WDR41: variants seen among roughly 807,000 people sequenced by gnomAD.
The protein encoded by WDR41 is WD repeat domain 41.
In WDR41, 63 loss-of-function variants were observed where a neutral mutation model predicts 69.3. The ratio of observed to expected loss-of-function variants is 0.91; its 90% CI spans 0.74 to 1.12. WDR41 has a LOEUF of 1.12. WDR41 is among the 50% of genes most tolerant of loss of function. WDR41 has a pLI of 0.00. For missense variants in WDR41, 543 were observed against 534.5 expected (o/e 1.02, Z -0.16); for synonymous variants, 185 against 192.1 (o/e 0.96, Z 0.31).
intron 1 of WDR41, among the ~76,000 whole-genome samples, chr5:77,503,190 CAAAA>C (rs144057313): frequency 8.1e-5 from 6 of 74,324 alleles, no homozygotes; most frequent in South Asian, 5.8e-4. Context: ...AAATGGAAAG[CAAAA>C]AAAAAAAAAA....
rs757833513 is a variant in WDR41, at chr5:77,436,283, A to G, written c.1205T>C (p.Ile402Thr). 9.9e-6 allele frequency: 16 copies of G among 1,613,920 alleles called. No homozygotes were observed. Among genetic ancestry groups the G allele is most frequent in the Admixed American group, 3.3e-5 (2 of 59,998 alleles). The change falls in exon 12 of 13, where the codon ATT becomes ACT. Residue 402 changes from isoleucine to threonine, a missense_variant. By Grantham distance (89) the Ile-to-Thr change is moderately conservative (BLOSUM62 -1). Transcript: ENST00000296679. ...SCSLELIGDL[I>T]GHSSSVEMFL... ...TACCTCCACAGATGATGAGTGTCCA[A>G]TCAAATCTCCAATAAGCTCCAGTGA... is the stretch of plus-strand genomic sequence containing the variant.
chr5:77,440,763 G>C, intron 9 of WDR41, 50 bp downstream of exon 9: 1 of 1,554,418 alleles, frequency 6.4e-7, no homozygotes. Context: ...ATCAGAAATT[G>C]GGTTATATAT....
chr5:77,615,860 G>A (rs1258774913), intron 1 of WDR41, among the ~76,000 whole-genome samples: 2 of 151,968 alleles, frequency 1.3e-5, no homozygotes, highest in Non-Finnish European at 2.9e-5. Flanking sequence ...AGGTATGGTG[G>A]CATATGCCTG....
intron 2 of WDR41, 38 bp from the exon 3 acceptor site, chr5:77,464,847 G>T (rs1420962885): frequency 1.3e-6 from 2 of 1,597,450 alleles, no homozygotes; most frequent in African/African-American, 2.7e-5. Flanking sequence ...AAAAATCACT[G>T]GTGACATTTA....
Position 77,451,297 on chromosome 5 carries a change from C to A in WDR41, c.580G>T (p.Glu194Ter). 1 of 1,613,698 alleles carries A rather than the reference C, an allele frequency of 6.2e-7. No individual in the cohort carries two copies. Among genetic ancestry groups the A allele is most frequent in the East Asian group, 2.2e-5 (1 of 44,850 alleles). The change falls in exon 7 of 13, where the codon GAA becomes TAA. Residue 194 changes from glutamate to a stop codon, truncating the protein, a stop_gained. Coordinates refer to ENST00000296679, the MANE Select transcript of WDR41 (RefSeq NM_018268.4). LOFTEE classifies it high-confidence loss of function. ...GAAAAAAATTCATACTCACTCAGTT[C>A]TTTGCCAACTGCTGCCACAACACAG... ...KNCVVAAVGK[E>*]LIIFRLVAPT...
chr5:77,524,419 C>A (rs1802417020), intron 1 of WDR41, among the ~76,000 whole-genome samples: 1 of 152,078 alleles, frequency 6.6e-6, no homozygotes, highest in Non-Finnish European at 1.5e-5. Flanking sequence ...GAGACCCTAT[C>A]TTGGCAGAAA....
chr5:77,437,307 A>G lies in WDR41; in HGVS notation c.1093+29T>C, dbSNP rs754213935. On this transcript the variant is annotated intron_variant, in intron 11 of 12. Coordinates refer to ENST00000296679, the MANE Select transcript of WDR41 (RefSeq NM_018268.4). ...TCACGTGAGAAAAAAGGAGAGAAAA[A>G]GACTACCTTTTTGAGAGAAGACACA... is the stretch of plus-strand genomic sequence containing the variant. The G allele has an allele frequency of 5.6e-6, 9 of 1,593,750 alleles. No homozygotes were observed. In the Admixed American group the frequency reaches 1.3e-4, roughly 24 times the overall value.
intron 1 of WDR41, among the ~76,000 whole-genome samples, chr5:77,589,403 T>C (rs947687117): frequency 6.6e-6 from 1 of 152,160 alleles, no homozygotes; most frequent in Non-Finnish European, 1.5e-5. Flanking sequence ...GGGTTTGAGA[T>C]TGCATTACAT....
rs1024893661 is a variant in WDR41, at chr5:77,610,279, T to C, written c.42+10200A>G. On this transcript the variant is annotated intron_variant, in intron 1 of 5. Transcript: ENST00000509971. Reference sequence around the variant, plus strand: ...TCCCCAATCTAGCAAGGCAGGCCAATGTTCAGATTCAGGAAATACAGAGAA... The same window carrying C: ...TCCCCAATCTAGCAAGGCAGGCCAACGTTCAGATTCAGGAAATACAGAGAA... Among the ~76,000 whole-genome samples, 43 of 152,266 alleles carry C rather than the reference T, an allele frequency of 2.8e-4. No homozygotes were observed. In the East Asian group the frequency reaches 7.5e-3, roughly 27 times the overall value.
chr5:77,505,470 TC>T (rs1412311904), intron 1 of WDR41, among the ~76,000 whole-genome samples: 5 of 152,124 alleles, frequency 3.3e-5, no homozygotes, highest in Non-Finnish European at 7.3e-5. Flanking sequence ...ATTTATAGAT[TC>T]AGTGCCATCC....
intron 2 of WDR41, among the ~76,000 whole-genome samples, chr5:77,466,280 C>G (rs1243741108): frequency 6.6e-6 from 1 of 151,766 alleles, no homozygotes; most frequent in Non-Finnish European, 1.5e-5. Flanking sequence ...ATTTCCTATG[C>G]TTAATTATCT....
rs375855406 is a variant in WDR41 at position 77,458,187 on chromosome 5, A to G, written c.411+875T>C. Reference sequence around the variant, plus strand: ...TGCCTTCTTAAAAAATCCACTGTTAAGTTAGATAGAAGTATATATAGTACA... The same window carrying G: ...TGCCTTCTTAAAAAATCCACTGTTAGGTTAGATAGAAGTATATATAGTACA... On this transcript the variant is annotated intron_variant, in intron 5 of 12. Transcript: ENST00000296679. Among the ~76,000 whole-genome samples the G allele has an allele frequency of 5.7e-3, 874 of 152,216 alleles. 6 individuals carry two copies. The highest frequency in any genetic ancestry group is 9.8e-3 in the South Asian group (47 of 4,816).
At chr5:77,569,085 C>T (rs1353861567) in intron 1 of WDR41, among the ~76,000 whole-genome samples, 1 of 152,000 alleles carries the variant, frequency 6.6e-6, no homozygotes, top group Non-Finnish European at 1.5e-5. Flanking sequence ...CAGGTTCTTT[C>T]ATCAATTTAA....
chr5:77,505,757 G>A (rs1265628329), intron 1 of WDR41, among the ~76,000 whole-genome samples: 1 of 152,144 alleles, frequency 6.6e-6, no homozygotes, highest in Non-Finnish European at 1.5e-5. Context: ...TCTGATCTTT[G>A]ACAAATCTGA....
chr5:77,469,648 T>A (rs1488789937), intron 2 of WDR41, among the ~76,000 whole-genome samples: 2 of 151,764 alleles, frequency 1.3e-5, no homozygotes, highest in Non-Finnish European at 2.9e-5. Flanking sequence ...ACATTTACAA[T>A]AAAATAACAT....
At chr5:77,470,697 G>A (rs983042411) in intron 2 of WDR41, among the ~76,000 whole-genome samples, 1 of 152,084 alleles carries the variant, frequency 6.6e-6, no homozygotes, top group African/African-American at 2.4e-5. Context: ...ATTACATCAT[G>A]GTAAAGGGAT....
Position 77,433,720 on chromosome 5 carries a change from G to A in WDR41, c.1228-433C>T, listed in dbSNP as rs527843745. ...TGTTAAGTGTCAGCACTACGTTTAT[G>A]GTCCCTACCCTCAAGAAGATTCTGA... On this transcript the variant is annotated intron_variant, in intron 12 of 12. Coordinates refer to ENST00000296679, the MANE Select transcript of WDR41 (RefSeq NM_018268.4). Among the ~76,000 whole-genome samples the A allele has an allele frequency of 3.4e-4, 52 of 151,618 alleles. 2 individuals are homozygous for A. The South Asian group carries it at 7.5e-3, about 22-fold the overall frequency.
chr5:77,527,941 C>T (rs1220010346), intron 1 of WDR41, among the ~76,000 whole-genome samples: 5 of 151,728 alleles, frequency 3.3e-5, no homozygotes, highest in Non-Finnish European at 7.4e-5. Context: ...GAGAAATGTA[C>T]ACCATTAAAT....
chr5:77,586,126 A>T (rs571907955), intron 1 of WDR41, among the ~76,000 whole-genome samples: 1 of 152,306 alleles, frequency 6.6e-6, no homozygotes, highest in South Asian at 2.1e-4. Context: ...TAGTTAAACA[A>T]ATAATAAATA....
Sources: gnomAD v4.1 joint callset for allele counts (sites outside exome capture counted in the v4.1 genomes callset) on GRCh38, gnomAD v4.1.1 for gene constraint, MANE v1.5 for transcripts, NCBI Gene and HGNC (gene_info 2026-07-23, HGNC 2026-07-21) for gene names.